MCM3AP: variants seen among roughly 807,000 people sequenced by gnomAD.
The protein encoded by MCM3AP is minichromosome maintenance complex component 3 associated protein, also known as germinal-center associated nuclear protein.
A neutral mutation model predicts 184.1 loss-of-function variants in MCM3AP; 126 were observed. That is an observed-to-expected ratio of 0.68 (90% CI 0.59 to 0.79). The LOEUF (loss-of-function observed/expected upper bound fraction) is 0.79. MCM3AP is among the 30% of genes least tolerant of loss of function. MCM3AP has a pLI of 0.00. For synonymous variants in MCM3AP, 1,002 were observed against 979.3 expected (o/e 1.02, Z -0.43); for missense variants, 2,496 against 2,479.2 (o/e 1.01, Z -0.14).
intron 23 of MCM3AP, 107 bp downstream of exon 23, chr21:46,244,700 A>C: frequency 8.3e-7 from 1 of 1,205,766 alleles, no homozygotes; most frequent in Non-Finnish European, 1.2e-6. Flanking sequence ...GTGGACGTGC[A>C]GCCCTCACAC....
rs1008209747 is a variant in MCM3AP, at chr21:46,277,695, G to C, written c.1690C>G (p.Leu564Val). The C allele has an allele frequency of 2.5e-6, 4 of 1,593,706 alleles. No homozygotes were observed. The East Asian group carries it at 9.1e-5, about 36-fold the overall frequency. Reference protein sequence around the residue: ...NKSSPVKKPSLLKAHQFEGDS... With the variant: ...NKSSPVKKPSVLKAHQFEGDS... Reference sequence around the variant, plus strand: ...CCCTCGAATTGGTGGGCCTTTAGAAGACTTGGCTTCTTCACTGGAGAGCTA... The same window carrying C: ...CCCTCGAATTGGTGGGCCTTTAGAACACTTGGCTTCTTCACTGGAGAGCTA... The change falls in exon 5 of 28, where the codon CTT becomes GTT. Residue 564 changes from leucine to valine, a missense_variant. Coordinates refer to ENST00000291688, the MANE Select transcript of MCM3AP (RefSeq NM_003906.5).
intron 8 of MCM3AP, among the ~76,000 whole-genome samples, chr21:46,271,080 G>T (rs16979043): frequency 0.013 from 2,040 of 152,132 alleles, 48 homozygotes; most frequent in African/African-American, 0.046. Flanking sequence ...GAAATGAATT[G>T]ATTTTGACTG....
At chr21:46,247,872 G>C (rs2080801947) in intron 20 of MCM3AP, among the ~76,000 whole-genome samples, 1 of 152,036 alleles carries the variant, frequency 6.6e-6, no homozygotes, top group Non-Finnish European at 1.5e-5. Context: ...GGCCAAGGCA[G>C]GAGAACTGTT....
chr21:46,284,425 T>C lies in MCM3AP; in HGVS notation c.862A>G (p.Met288Val), dbSNP rs17182545. The C allele has an allele frequency of 3.8e-4, 620 of 1,614,124 alleles. 3 individuals are homozygous for C. In the African/African-American group the frequency reaches 7.4e-3, roughly 19 times the overall value. The change falls in exon 1 of 28, where the codon ATG becomes GTG. Residue 288 changes from methionine to valine, a missense_variant. Physicochemically the swap from Met to Val is conservative, Grantham distance 21. Transcript: ENST00000291688. ...TCCTCCTTCCTTTTCAGTCCTTTCA[T>C]TAGGCTGGGAAGTGGTTCCACCTGG... is the stretch of plus-strand genomic sequence containing the variant. ...VSQVEPLPSL[M>V]KGLKRKEDQD...
chr21:46,276,222 T>C (rs956766294), intron 5 of MCM3AP, among the ~76,000 whole-genome samples: 2 of 150,646 alleles, frequency 1.3e-5, no homozygotes, highest in African/African-American at 4.9e-5. Flanking sequence ...CACTCTGTCA[T>C]GGTACTCCAC....
chr21:46,249,191 A>G (rs564116194), intron 20 of MCM3AP, among the ~76,000 whole-genome samples: 8 of 152,154 alleles, frequency 5.3e-5, no homozygotes, highest in African/African-American at 1.9e-4. Flanking sequence ...CTGGAAGGCA[A>G]ATAATTTTCT....
chr21:46,257,491 AAAAAAAAAG>A (rs2080974175), intron 16 of MCM3AP, among the ~76,000 whole-genome samples: 3 of 150,878 alleles, frequency 2.0e-5, no homozygotes, highest in African/African-American at 7.3e-5. Context: ...AAAAAAAAAA[AAAAAAAAAG>A]ATACATATAT....
At chr21:46,268,554 C>A (rs1013468514) in intron 9 of MCM3AP, among the ~76,000 whole-genome samples, 1 of 152,204 alleles carries the variant, frequency 6.6e-6, no homozygotes, top group Non-Finnish European at 1.5e-5. Context: ...GGGCGGCAGC[C>A]AAGCCTCGCC....
intron 2 of MCM3AP, among the ~76,000 whole-genome samples, chr21:46,282,950 G>A (rs976223181): frequency 1.3e-5 from 2 of 151,820 alleles, no homozygotes; most frequent in Admixed American, 6.6e-5. Context: ...TTTTGAGACG[G>A]AGTCTGGCTC....
Position 46,244,818 on chromosome 21 carries a change from G to A in MCM3AP, c.5027C>T (p.Pro1676Leu). 1 of 1,612,796 alleles carries A rather than the reference G, an allele frequency of 6.2e-7. No homozygotes were observed. The highest frequency in any genetic ancestry group is 1.1e-5 in the South Asian group (1 of 90,900). Residue 1676 changes from proline (P) to leucine (L), a missense_variant, in exon 23 of 28, where the codon CCA becomes CTA. Pro to Leu is a moderately conservative substitution (Grantham distance 98). Coordinates refer to ENST00000291688, the MANE Select transcript of MCM3AP (RefSeq NM_003906.5). ...GGTCAAGCACGTACCCCCCAGGGGT[G>A]GAAGGTCCATCTGCGGAAGCTGGAA... ...LGFQLPQMDLPPLGAPWLPVC... is the reference protein window; with the variant it reads ...LGFQLPQMDLLPLGAPWLPVC...
rs765895077 is a variant in MCM3AP, at chr21:46,240,952, C to T, written c.5492G>A (p.Arg1831His). The change falls in exon 26 of 28, where the codon CGT becomes CAT. Residue 1831 changes from arginine (R) to histidine (H), a missense_variant. By Grantham distance (29) the Arg-to-His change is conservative (BLOSUM62 0). Transcript: ENST00000291688. ...NFPIPLLHMH[R>H]NWKRSTECAQ... is the part of the protein sequence containing the mutation. ...ACACTCTGTGCTCCTCTTCCAGTTA[C>T]GGTGCATGTGAAGCAATGGTATGGG... 56 of 1,614,014 alleles carry T rather than the reference C, an allele frequency of 3.5e-5. No individual in the cohort carries two copies. The highest frequency in any genetic ancestry group is 2.2e-5 in the East Asian group (1 of 44,902).
chr21:46,282,586 T>C (rs2081347534), intron 2 of MCM3AP, among the ~76,000 whole-genome samples: 1 of 151,998 alleles, frequency 6.6e-6, no homozygotes, highest in Non-Finnish European at 1.5e-5. Flanking sequence ...AGGCAGATCG[T>C]GAGGTCAGGA....
chr21:46,282,397 T>A (rs1253629787), intron 2 of MCM3AP, among the ~76,000 whole-genome samples: 1 of 152,172 alleles, frequency 6.6e-6, no homozygotes, highest in South Asian at 2.1e-4. Context: ...AATTTATACT[T>A]TATAAATTCC....
chr21:46,244,638 C>A, intron 23 of MCM3AP, 169 bp downstream of exon 23: 1 of 731,236 alleles, frequency 1.4e-6, no homozygotes, highest in Non-Finnish European at 2.2e-6. Context: ...GGCTCATGAA[C>A]CCAAAGGACC....
intron 13 of MCM3AP, among the ~76,000 whole-genome samples, chr21:46,262,417 G>T (rs1231578770): frequency 1.3e-5 from 2 of 152,182 alleles, no homozygotes; most frequent in African/African-American, 4.8e-5. Context: ...GGAGGCTGAG[G>T]TGGGAGCACT....
At position 46,273,474 on chromosome 21, in the gene MCM3AP, G is replaced by A. The variant is rs1201559288; in HGVS notation, c.2110C>T (p.Leu704=). The change falls in exon 7 of 28, where the codon CTG becomes TTG. Residue 704 remains leucine, a synonymous_variant. Coordinates refer to ENST00000291688, the MANE Select transcript of MCM3AP (RefSeq NM_003906.5). ...LPVLSRTMDY[L]VTQIMDQKEG... Reference sequence around the variant, plus strand: ...TTCTGGTCCATGATCTGGGTCACCAGGTAGTCCATGGTCCTGCTGAGCACT... The same window carrying A: ...TTCTGGTCCATGATCTGGGTCACCAAGTAGTCCATGGTCCTGCTGAGCACT... The A allele has an allele frequency of 6.2e-7, 1 of 1,613,952 alleles. No individual in the cohort carries two copies. Among genetic ancestry groups the A allele is most frequent in the Non-Finnish European group, 8.5e-7 (1 of 1,179,860 alleles).
At chr21:46,245,231 C>A in intron 22 of MCM3AP, 34 bp from the exon 23 acceptor site, 1 of 1,564,794 alleles carries the variant, frequency 6.4e-7, no homozygotes, top group South Asian at 1.2e-5. Flanking sequence ...TTGAACAATT[C>A]ACACTGTTTT....
At position 46,244,919 on chromosome 21, in the gene MCM3AP, C is replaced by G. The variant is rs1335108602; in HGVS notation, c.4926G>C (p.Gly1642=). 1.2e-6 allele frequency: 2 copies of G among 1,614,082 alleles called. No homozygotes were observed. Among genetic ancestry groups the G allele is most frequent in the Non-Finnish European group, 1.7e-6 (2 of 1,180,030 alleles). ...SWPVTEFAEA[G]GSRLLPHLHW... ...GCAGGTGAGGAAGCAGCCGGCTGCC[C>G]CCTGCCTCAGCAAACTCAGTGACAG... is the stretch of plus-strand genomic sequence containing the variant. The change falls in exon 23 of 28, where the codon GGG becomes GGC. Residue 1642 remains glycine (G), a synonymous_variant. Coordinates refer to ENST00000291688, the MANE Select transcript of MCM3AP (RefSeq NM_003906.5).
chr21:46,276,012 G>T (rs1015509030), intron 5 of MCM3AP, among the ~76,000 whole-genome samples: 4 of 152,160 alleles, frequency 2.6e-5, no homozygotes, highest in Non-Finnish European at 5.9e-5. Context: ...AGCACTTTGG[G>T]AGGCCAAGAC....
Sources: gnomAD v4.1 joint callset for allele counts (sites outside exome capture counted in the v4.1 genomes callset) on GRCh38, gnomAD v4.1.1 for gene constraint, MANE v1.5 for transcripts, NCBI Gene and HGNC (gene_info 2026-07-23, HGNC 2026-07-21) for gene names.